SPATS2L: variants seen among roughly 807,000 people sequenced by gnomAD.
The protein encoded by SPATS2L is spermatogenesis associated serine rich 2 like.
SPATS2L carries 30 observed loss-of-function variants against 59.6 expected under a neutral mutation model. That is an observed-to-expected ratio of 0.50 (90% confidence interval 0.38 to 0.68). SPATS2L has a LOEUF of 0.68. Ranked by LOEUF, SPATS2L falls within the 30% of genes least tolerant of loss-of-function variation. The pLI is 0.00. For synonymous variants in SPATS2L, 252 were observed against 263.5 expected (o/e 0.96, Z 0.42); for missense variants, 615 against 700.0 (o/e 0.88, Z 1.37).
At chr2:200,329,625 T>A in intron 2 of SPATS2L, 145 bp downstream of exon 2, 1 of 688,718 alleles carries the variant, frequency 1.5e-6, no homozygotes, top group Non-Finnish European at 2.5e-6. Flanking sequence ...CAGAGTTCTC[T>A]TTTAGAGTGT....
At chr2:200,385,831 T>C (rs2081973517) in intron 2 of SPATS2L, among the ~76,000 whole-genome samples, 1 of 152,140 alleles carries the variant, frequency 6.6e-6, no homozygotes, top group Non-Finnish European at 1.5e-5. Context: ...TAGCTGGGAC[T>C]ACAGGCGCCC....
chr2:200,359,146 T>TA (rs2081016617), intron 2 of SPATS2L, among the ~76,000 whole-genome samples: 1 of 152,218 alleles, frequency 6.6e-6, no homozygotes, highest in Non-Finnish European at 1.5e-5. Context: ...TTAGGGTTGT[T>TA]TAGTTTTTAA....
upstream of SPATS2L, chr2:200,306,641 G>C: frequency 1.0e-6 from 1 of 988,796 alleles, no homozygotes; most frequent in Non-Finnish European, 1.2e-6. Flanking sequence ...GTCGGCGGGC[G>C]GGGGCAGCCT....
chr2:200,322,352 A>G (rs1272321117), intron 1 of SPATS2L, among the ~76,000 whole-genome samples: 2 of 152,204 alleles, frequency 1.3e-5, no homozygotes, highest in Non-Finnish European at 1.5e-5. Context: ...GAATTAAGCA[A>G]TAACAACAGC....
intron 1 of SPATS2L, among the ~76,000 whole-genome samples, chr2:200,326,938 G>A (rs2079769962): frequency 6.9e-6 from 1 of 145,942 alleles, no homozygotes; most frequent in African/African-American, 2.5e-5. Flanking sequence ...GCAGAGTTGG[G>A]GTTTTGCCAT....
At chr2:200,382,623 C>T (rs150684092) in intron 2 of SPATS2L, among the ~76,000 whole-genome samples, 1 of 152,220 alleles carries the variant, frequency 6.6e-6, no homozygotes, top group Non-Finnish European at 1.5e-5. Context: ...TGGCCGTGGG[C>T]TTGCTGAGTT....
chr2:200,368,637 A>G (rs947102558), intron 2 of SPATS2L, among the ~76,000 whole-genome samples: 14 of 152,342 alleles, frequency 9.2e-5, no homozygotes, highest in African/African-American at 2.9e-4. Context: ...TGTGACCACA[A>G]TGTTTAAGCT....
At chr2:200,472,777 T>G (rs921853943) in intron 11 of SPATS2L, 55 bp from the exon 12 acceptor site, 8 of 1,481,372 alleles carry the variant, frequency 5.4e-6, no homozygotes, top group Admixed American at 1.7e-5. Context: ...AATGGGTTAC[T>G]GAGGCAGCAG....
Position 200,306,781 on chromosome 2 carries a change from G to C in SPATS2L, c.-214G>C, listed in dbSNP as rs1463177291. The C allele has an allele frequency of 3.1e-6, 3 of 981,734 alleles. No individual in the cohort carries two copies. The highest frequency in any genetic ancestry group is 1.3e-4 in the Admixed American group (2 of 15,988). 60.8% of individuals were successfully genotyped at this position (981,734 alleles called of 1,614,324 possible). A position where few individuals can be genotyped will look rare whatever the true frequency, so the allele number is the denominator to read the frequency against. On this transcript the variant is annotated 5_prime_UTR_variant, in exon 1 of 13. Coordinates refer to ENST00000409140, the MANE Select transcript of SPATS2L (RefSeq NM_001100423.2). ...CGGCAGCGCGGGGCGAGCTCCGGACGGCGCGCGGCCCAGGCAGCGGCTCCC... is the reference window on the plus strand; with the variant it reads ...CGGCAGCGCGGGGCGAGCTCCGGACCGCGCGCGGCCCAGGCAGCGGCTCCC...
chr2:200,309,192 C>CA, intron 1 of SPATS2L: 1 of 714,580 alleles, frequency 1.4e-6, no homozygotes, highest in Non-Finnish European at 2.6e-6. Context: ...GTTGTGTTAT[C>CA]AATCACAGTG....
Position 200,377,838 on chromosome 2 carries a change from A to G in SPATS2L, c.-22-11385A>G, listed in dbSNP as rs147476760. Among the ~76,000 whole-genome samples the G allele has an allele frequency of 7.0e-4, 107 of 152,302 alleles. No individual in the cohort carries two copies. In the Middle Eastern group the frequency reaches 0.014, roughly 19 times the overall value. Reference sequence around the variant, plus strand: ...ACTGGTTTCAGGGTGCAGTGTAAGAATGTGTACTAATTGATTGATATGCCT... The same window carrying G: ...ACTGGTTTCAGGGTGCAGTGTAAGAGTGTGTACTAATTGATTGATATGCCT... On this transcript the variant is annotated intron_variant, in intron 2 of 12. Coordinates refer to ENST00000409140, the MANE Select transcript of SPATS2L (RefSeq NM_001100423.2).
intron 11 of SPATS2L, 101 bp downstream of exon 11, chr2:200,470,117 A>C: frequency 1.2e-6 from 1 of 863,904 alleles, no homozygotes; most frequent in Non-Finnish European, 1.8e-6. Context: ...CCAGGGGGCT[A>C]ACGTGAGGTC....
intron 3 of SPATS2L, among the ~76,000 whole-genome samples, chr2:200,411,021 A>G (rs1448511645): frequency 6.7e-6 from 1 of 149,160 alleles, no homozygotes; most frequent in African/African-American, 2.4e-5. Flanking sequence ...ATACATATAT[A>G]TATATATATA....
chr2:200,404,661 G>C (rs766165065), intron 3 of SPATS2L, among the ~76,000 whole-genome samples: 3 of 152,192 alleles, frequency 2.0e-5, no homozygotes, highest in Non-Finnish European at 4.4e-5. Context: ...AGTTGCTGCT[G>C]TAACAAACTG....
At chr2:200,452,072 A>T (rs2085495647) in intron 8 of SPATS2L, among the ~76,000 whole-genome samples, 1 of 152,196 alleles carries the variant, frequency 6.6e-6, no homozygotes, top group South Asian at 2.1e-4. Context: ...TGCTGGGATT[A>T]TAGGCATGAG....
At position 200,473,008 on chromosome 2, in the gene SPATS2L, A is replaced by C. The variant is rs755612454; in HGVS notation, c.1237A>C (p.Ser413Arg). The C allele has an allele frequency of 6.2e-7, 1 of 1,613,590 alleles. No homozygotes were observed. The highest frequency in any genetic ancestry group is 8.5e-7 in the Non-Finnish European group (1 of 1,179,802). The change falls in exon 12 of 13, where the codon AGC becomes CGC. Residue 413 changes from serine (S) to arginine (R), a missense_variant. Coordinates refer to ENST00000409140, the MANE Select transcript of SPATS2L (RefSeq NM_001100423.2). ...ANPKMVSSLP[S>R]TADPSHQTMP... ...CCCCAAAATGGTGAGCAGTCTCCCCAGCACCGCCGACCCCTCTCACCAGAC... is the reference window on the plus strand; with the variant it reads ...CCCCAAAATGGTGAGCAGTCTCCCCCGCACCGCCGACCCCTCTCACCAGAC...
intron 1 of SPATS2L, among the ~76,000 whole-genome samples, chr2:200,310,443 G>A (rs775481776): frequency 4.6e-5 from 7 of 152,158 alleles, no homozygotes; most frequent in Non-Finnish European, 7.3e-5. Flanking sequence ...ATGGGAGGCC[G>A]TCAGCCATCA....
At chr2:200,315,838 C>T (rs1414863811) in intron 1 of SPATS2L, among the ~76,000 whole-genome samples, 3 of 144,648 alleles carry the variant, frequency 2.1e-5, no homozygotes, top group African/African-American at 7.6e-5. Context: ...ACGGTGAAAC[C>T]CCGTCTCACC....
chr2:200,326,036 A>C (rs2079727678), intron 1 of SPATS2L, among the ~76,000 whole-genome samples: 1 of 152,240 alleles, frequency 6.6e-6, no homozygotes, highest in Non-Finnish European at 1.5e-5. Flanking sequence ...CCAGATAAAC[A>C]TGAGACTTCA....
Sources: gnomAD v4.1 joint callset for allele counts (sites outside exome capture counted in the v4.1 genomes callset) on GRCh38, gnomAD v4.1.1 for gene constraint, MANE v1.5 for transcripts, NCBI Gene and HGNC (gene_info 2026-07-23, HGNC 2026-07-21) for gene names.